The following WWOX variants were observed in gnomAD, a reference collection of about 807,000 sequenced individuals.
WWOX encodes WW domain-containing oxidoreductase.
In WWOX, 69 loss-of-function variants were observed where a neutral mutation model predicts 46.2. That is an observed-to-expected ratio of 1.49 (90% confidence interval 1.23 to 1.82). The LOEUF is 1.82. Among genes scored for constraint, WWOX ranks in the 40% most tolerant of loss-of-function variants. WWOX has a pLI of 0.00. For missense variants in WWOX, 919 were observed against 542.6 expected (o/e 1.69, Z -6.89); for synonymous variants, 359 against 202.6 (o/e 1.77, Z -6.56).
intron 8 of WWOX, among the ~76,000 whole-genome samples, chr16:78,955,024 A>C (rs948135566): frequency 1.3e-5 from 2 of 152,140 alleles, no homozygotes; most frequent in African/African-American, 2.4e-5. Flanking sequence ...TCCTGGCTTC[A>C]AGTGATCCTT....
In WWOX at chr16:78,509,455, TATA is replaced by T. The variant is rs745943074; in HGVS notation, c.1056+76718_1056+76720del. Among the ~76,000 whole-genome samples the T allele has an allele frequency of 1.8e-3, 277 of 149,962 alleles. 3 individuals carry two copies. Among genetic ancestry groups the T allele is most frequent in the South Asian group, 4.6e-3 (22 of 4,750 alleles). On this transcript the variant is annotated intron_variant, in intron 8 of 8. Transcript: ENST00000566780. ...CTCAGTCTCAAAAAAAAAAAAATAA[TATA>T]ATAATAATAATAATCGCACCTCAAT...
At chr16:78,110,246 G>T (rs1390954762) in intron 3 of WWOX, among the ~76,000 whole-genome samples, 1 of 151,128 alleles carries the variant, frequency 6.6e-6, no homozygotes, top group East Asian at 1.9e-4. Flanking sequence ...AGGGTAAGGC[G>T]GGAGAATCAC....
intron 8 of WWOX, among the ~76,000 whole-genome samples, chr16:78,774,148 A>G (rs2050130448): frequency 6.6e-6 from 1 of 152,170 alleles, no homozygotes; most frequent in Non-Finnish European, 1.5e-5. Context: ...CATCCCTGCA[A>G]TCCCAGTACT....
At chr16:78,710,678 G>A (rs1467068689) in intron 8 of WWOX, among the ~76,000 whole-genome samples, 1 of 150,898 alleles carries the variant, frequency 6.6e-6, no homozygotes, top group African/African-American at 2.4e-5. Flanking sequence ...GCAGTGGCGT[G>A]ATCATGGCTC....
chr16:78,738,653 C>A (rs1042973692), intron 8 of WWOX, among the ~76,000 whole-genome samples: 2 of 152,158 alleles, frequency 1.3e-5, no homozygotes, highest in Admixed American at 1.3e-4. Context: ...AAATCATCCT[C>A]ATTTCCTTGA....
At chr16:78,207,566 C>G (rs1262660486) in intron 5 of WWOX, among the ~76,000 whole-genome samples, 1 of 150,128 alleles carries the variant, frequency 6.7e-6, no homozygotes, top group Non-Finnish European at 1.5e-5. Flanking sequence ...AATTTTCACT[C>G]CTTTAATTGA....
intron 8 of WWOX, among the ~76,000 whole-genome samples, chr16:78,700,312 C>CAGAGAGAGAGAGAG (rs55638553): frequency 3.5e-4 from 46 of 130,550 alleles, no homozygotes; most frequent in African/African-American, 1.2e-3. Flanking sequence ...ACTTAGTAGA[C>CAGAGAGAGAGAGAG]AGAGAGAGAG....
intron 8 of WWOX, among the ~76,000 whole-genome samples, chr16:79,170,437 A>G (rs1057399479): frequency 7.9e-5 from 12 of 152,226 alleles, no homozygotes; most frequent in African/African-American, 2.2e-4. Context: ...GCATCCTGCA[A>G]TACAACTGTT....
intron 4 of WWOX, among the ~76,000 whole-genome samples, chr16:78,124,907 A>G (rs974254069): frequency 2.0e-5 from 3 of 152,112 alleles, no homozygotes; most frequent in East Asian, 1.9e-4. Flanking sequence ...GAGGAAACCT[A>G]TTTCAGTGTC....
chr16:78,161,301 G>C (rs1465096682), intron 4 of WWOX, among the ~76,000 whole-genome samples: 2 of 151,894 alleles, frequency 1.3e-5, no homozygotes, highest in Admixed American at 6.6e-5. Context: ...AGATATATTT[G>C]AGTTTGGGTT....
intron 8 of WWOX, among the ~76,000 whole-genome samples, chr16:78,726,167 C>G (rs1452764322): frequency 7.2e-6 from 1 of 139,278 alleles, no homozygotes; most frequent in Non-Finnish European, 1.5e-5. Context: ...CTTTCTGTGT[C>G]TCTCTTTTCT....
At chr16:78,249,878 C>T (rs2037934460) in intron 5 of WWOX, among the ~76,000 whole-genome samples, 1 of 151,924 alleles carries the variant, frequency 6.6e-6, no homozygotes, top group African/African-American at 2.4e-5. Flanking sequence ...GAAGGGGCAC[C>T]AGAAGGAGAA....
At chr16:78,969,067 C>T (rs1256425820) in intron 8 of WWOX, among the ~76,000 whole-genome samples, 1 of 152,088 alleles carries the variant, frequency 6.6e-6, no homozygotes, top group Non-Finnish European at 1.5e-5. Context: ...CTTGTTATTT[C>T]CTCCATTAGA....
At chr16:79,181,755 G>C (rs558225689) in intron 8 of WWOX, among the ~76,000 whole-genome samples, 1 of 152,074 alleles carries the variant, frequency 6.6e-6, no homozygotes, top group Non-Finnish European at 1.5e-5. Context: ...TTACTGGGTC[G>C]GAGGTCACAA....
At chr16:78,778,635 C>G (rs1597594923) in intron 8 of WWOX, among the ~76,000 whole-genome samples, 2 of 152,272 alleles carry the variant, frequency 1.3e-5, no homozygotes, top group South Asian at 4.1e-4. Flanking sequence ...AGCTTCTCTG[C>G]TGTGTTTTCT....
intron 8 of WWOX, among the ~76,000 whole-genome samples, chr16:78,618,268 G>C (rs370000907): frequency 1.3e-5 from 2 of 152,222 alleles, no homozygotes; most frequent in African/African-American, 2.4e-5. Flanking sequence ...TCTGGAGCTT[G>C]TTTTATTTTG....
chr16:79,167,602 G>T lies in WWOX; in HGVS notation c.1057-44006G>T, dbSNP rs78787041. Among the ~76,000 whole-genome samples the T allele has an allele frequency of 6.2e-3, 938 of 152,278 alleles. 15 individuals carry two copies. Among genetic ancestry groups the T allele is most frequent in the African/African-American group, 0.021 (887 of 41,552 alleles). ...TCCCATCAGCTTAAGGCAGCGAAGC[G>T]AATGCCCACAGTGCCCAAGTCACTT... On this transcript the variant is annotated intron_variant, in intron 8 of 8. Transcript: ENST00000566780.
chr16:78,912,473 T>C (rs2045136991), intron 8 of WWOX, among the ~76,000 whole-genome samples: 1 of 151,770 alleles, frequency 6.6e-6, no homozygotes, highest in Non-Finnish European at 1.5e-5. Flanking sequence ...CCAAAGCCAC[T>C]AACACGGGAT....
intron 8 of WWOX, among the ~76,000 whole-genome samples, chr16:78,673,052 G>C (rs528974087): frequency 3.3e-4 from 50 of 152,304 alleles, no homozygotes; most frequent in Admixed American, 8.5e-4. Flanking sequence ...AGGGGGAATG[G>C]CCTGAGAAAG....
Sources: gnomAD v4.1 joint callset for allele counts (sites outside exome capture counted in the v4.1 genomes callset) on GRCh38, gnomAD v4.1.1 for gene constraint, MANE v1.5 for transcripts, NCBI Gene and HGNC (gene_info 2026-07-23, HGNC 2026-07-21) for gene names.